EDARADD: variants seen among roughly 807,000 people sequenced by gnomAD.
EDARADD encodes the protein EDAR associated via death domain, also known as ectodysplasin-A receptor-associated adapter protein.
In EDARADD, 20 loss-of-function variants were observed where a neutral mutation model predicts 25.6. That is an observed-to-expected ratio of 0.78 (90% CI 0.55 to 1.14). The LOEUF is 1.14. EDARADD is among the 50% of genes most tolerant of loss of function. The pLI is 0.00. For missense variants in EDARADD, 225 were observed against 270.1 expected (o/e 0.83, Z 1.17); for synonymous variants, 86 against 94.4 (o/e 0.91, Z 0.52).
intron 5 of EDARADD, among the ~76,000 whole-genome samples, chr1:236,473,855 C>G (rs1659426696): frequency 6.6e-6 from 1 of 152,074 alleles, no homozygotes; most frequent in Admixed American, 6.5e-5. Flanking sequence ...ACTGCAGCCT[C>G]AATCTCCTGA....
chr1:236,468,574 C>T (rs1558135415), intron 5 of EDARADD, among the ~76,000 whole-genome samples: 1 of 152,090 alleles, frequency 6.6e-6, no homozygotes, highest in Admixed American at 6.6e-5. Context: ...GAGCCAAGAT[C>T]ACACCACTGC....
chr1:236,432,624 C>T (rs139768415), intron 4 of EDARADD, among the ~76,000 whole-genome samples: 157 of 152,202 alleles, frequency 1.0e-3, no homozygotes, highest in African/African-American at 3.5e-3. Context: ...GTGGCTCATG[C>T]CTGTAATCCC....
At chr1:236,362,607 T>C (rs1232156688) in intron 3 of EDARADD, among the ~76,000 whole-genome samples, 1 of 152,188 alleles carries the variant, frequency 6.6e-6, no homozygotes, top group African/African-American at 2.4e-5. Flanking sequence ...TTTGGTGTTG[T>C]ACCTAAGAAA....
intron 3 of EDARADD, among the ~76,000 whole-genome samples, chr1:236,372,787 A>G (rs1398335174): frequency 6.6e-6 from 1 of 152,046 alleles, no homozygotes; most frequent in African/African-American, 2.4e-5. Context: ...GAATTTTGGT[A>G]TAGTATTTAT....
At chr1:236,433,783 T>C (rs1034291329) in intron 4 of EDARADD, among the ~76,000 whole-genome samples, 3 of 151,936 alleles carry the variant, frequency 2.0e-5, no homozygotes, top group African/African-American at 7.3e-5. Context: ...GGCAGGATAA[T>C]TGCTTGAACC....
intron 5 of EDARADD, among the ~76,000 whole-genome samples, chr1:236,476,100 G>T (rs995968057): frequency 2.6e-5 from 4 of 152,110 alleles, no homozygotes; most frequent in Non-Finnish European, 4.4e-5. Flanking sequence ...GCTGAAGCAG[G>T]AGAATCGCTG....
At chr1:236,360,556 T>G (rs1270177340) in intron 3 of EDARADD, among the ~76,000 whole-genome samples, 1 of 147,220 alleles carries the variant, frequency 6.8e-6, no homozygotes, top group Non-Finnish European at 1.5e-5. Flanking sequence ...TTTTTTTTTT[T>G]TTTTTTTGAG....
At chr1:236,363,347 C>T (rs1174715332) in intron 3 of EDARADD, among the ~76,000 whole-genome samples, 1 of 151,656 alleles carries the variant, frequency 6.6e-6, no homozygotes, top group East Asian at 2.0e-4. Context: ...ATCATAGGGG[C>T]GGATTTCCCT....
Position 236,456,079 on chromosome 1 carries a change from G to A in EDARADD, c.220-12152G>A, listed in dbSNP as rs570261640. ...ACAGGGATTATAGGCGTGAGCCACC[G>A]CGCCCAGGTGCCTGTTCCTTTTTTA... On this transcript the variant is annotated intron_variant, in intron 4 of 5. Coordinates refer to ENST00000334232, the MANE Select transcript of EDARADD (RefSeq NM_145861.4). Among the ~76,000 whole-genome samples, 424 of 152,086 alleles carry A rather than the reference G, an allele frequency of 2.8e-3. 2 individuals carry two copies. The highest frequency in any genetic ancestry group is 2.8e-3 in the African/African-American group (115 of 41,486).
At chr1:236,378,452 G>A (rs1401734854) in intron 3 of EDARADD, among the ~76,000 whole-genome samples, 1 of 152,142 alleles carries the variant, frequency 6.6e-6, no homozygotes, top group Non-Finnish European at 1.5e-5. Context: ...TTCCTGGGGA[G>A]GTTTCTACTC....
chr1:236,433,175 G>A (rs890229058), intron 4 of EDARADD, among the ~76,000 whole-genome samples: 3 of 28,130 alleles, frequency 1.1e-4, no homozygotes, highest in Non-Finnish European at 6.6e-4. Flanking sequence ...ATCAATGAAA[G>A]GCGCATCGCC....
intron 5 of EDARADD, among the ~76,000 whole-genome samples, chr1:236,477,054 CAA>C (rs61477663): frequency 5.0e-4 from 57 of 113,666 alleles, no homozygotes; most frequent in Non-Finnish European, 6.0e-4. Context: ...TGCCCATAAG[CAA>C]AAAAAAAAAA....
At chr1:236,431,975 C>T (rs1658108748) in intron 4 of EDARADD, among the ~76,000 whole-genome samples, 1 of 149,266 alleles carries the variant, frequency 6.7e-6, no homozygotes, top group South Asian at 2.1e-4. Flanking sequence ...ACCTTATAGA[C>T]TTGTTGGAGA....
rs869053977 is a variant in EDARADD at position 236,360,537 on chromosome 1, G to GTT, written c.-6+9723_-6+9724dup. Among the ~76,000 whole-genome samples the GTT allele has an allele frequency of 9.6e-4, 126 of 131,234 alleles. 5 individuals are homozygous for GTT. The highest frequency in any genetic ancestry group is 2.5e-3 in the African/African-American group (82 of 33,002). The allele number at this position is 131,234 out of a possible 152,430, so 86.1% of individuals were successfully genotyped here. A position where few individuals can be genotyped will look rare whatever the true frequency, so the allele number is the denominator to read the frequency against. On this transcript the variant is annotated intron_variant, in intron 3 of 7. Coordinates refer to the EDARADD transcript ENST00000439430. ...CAGGACAGAGGGATTTTAATTCACG[G>GTT]TTTTTTTTTTTTTTTTTTTTTTTTT... is the stretch of plus-strand genomic sequence containing the variant.
At chr1:236,361,005 C>CA (rs550394955) in intron 3 of EDARADD, among the ~76,000 whole-genome samples, 1 of 152,056 alleles carries the variant, frequency 6.6e-6, no homozygotes, top group African/African-American at 2.4e-5. Flanking sequence ...GAGTGACACC[C>CA]AAAATAGTCT....
At chr1:236,411,402 G>A (rs757030830) in intron 2 of EDARADD, among the ~76,000 whole-genome samples, 11 of 152,086 alleles carry the variant, frequency 7.2e-5, no homozygotes, top group Admixed American at 2.6e-4. Flanking sequence ...GCCAGCCATC[G>A]TGGAAACTCC....
At chr1:236,404,627 A>G (rs1215749723) in intron 1 of EDARADD, among the ~76,000 whole-genome samples, 1 of 152,202 alleles carries the variant, frequency 6.6e-6, no homozygotes, top group Non-Finnish European at 1.5e-5. Flanking sequence ...CGTCTCTACA[A>G]AAAACAGAAA....
At chr1:236,431,086 G>T (rs588602) in intron 4 of EDARADD, among the ~76,000 whole-genome samples, 68,214 of 152,022 alleles carry the variant, frequency 0.45, 17,632 homozygotes, top group Non-Finnish European at 0.59. Flanking sequence ...CTGCACTCCA[G>T]CCTAGGTGAC....
intron 3 of EDARADD, among the ~76,000 whole-genome samples, chr1:236,375,738 T>C (rs2102994655): frequency 6.7e-6 from 1 of 150,242 alleles, no homozygotes; most frequent in South Asian, 2.1e-4. Context: ...AATTTAAAAA[T>C]TAGCTGAGAT....
Sources: gnomAD v4.1 joint callset for allele counts (sites outside exome capture counted in the v4.1 genomes callset) on GRCh38, gnomAD v4.1.1 for gene constraint, MANE v1.5 for transcripts, NCBI Gene and HGNC (gene_info 2026-07-23, HGNC 2026-07-21) for gene names.